RFC3: variants seen among roughly 807,000 people sequenced by gnomAD.
RFC3 encodes replication factor C subunit 3, also known as A1 38 kDa subunit.
RFC3 carries 41 observed loss-of-function variants against 45.1 expected under a neutral mutation model. The observed-to-expected ratio is 0.91, with a 90% CI of 0.71 to 1.18. RFC3 has a LOEUF of 1.18. Among genes scored for constraint, RFC3 ranks in the 50% most tolerant of loss-of-function variants. The probability of loss-of-function intolerance (pLI) is 0.00; values close to 1 mark genes in which losing one functional copy is unlikely to be tolerated. For missense variants in RFC3, 423 were observed against 428.1 expected, an observed-to-expected ratio of 0.99 and a Z score of 0.10; for synonymous variants, 149 against 144.0, an observed-to-expected ratio of 1.03 and a Z score of -0.25.
intron 8 of RFC3, among the ~76,000 whole-genome samples, chr13:33,860,915 A>T (rs551643787): frequency 0.015 from 2,214 of 150,418 alleles, 50 homozygotes; most frequent in African/African-American, 0.048. Flanking sequence ...ATATATATAT[A>T]TTTTTTTACC....
At chr13:33,895,776 G>A (rs1008904896) in intron 8 of RFC3, among the ~76,000 whole-genome samples, 2 of 152,118 alleles carry the variant, frequency 1.3e-5, no homozygotes, top group African/African-American at 4.8e-5. Context: ...CAACCAAAGA[G>A]TGGATAATGA....
chr13:33,829,165 T>C (rs118155523), intron 4 of RFC3, among the ~76,000 whole-genome samples: 54 of 152,340 alleles, frequency 3.5e-4, no homozygotes, highest in Non-Finnish European at 6.9e-4. Flanking sequence ...AAAAATACAA[T>C]ATTGGATTCA....
chr13:33,947,320 G>C (rs1450133058), intron 8 of RFC3, among the ~76,000 whole-genome samples: 2 of 152,122 alleles, frequency 1.3e-5, no homozygotes, highest in African/African-American at 4.8e-5. Flanking sequence ...TTATTCTCCT[G>C]CTGCCCTGTG....
chr13:33,934,746 T>A (rs1204212313), intron 8 of RFC3, among the ~76,000 whole-genome samples: 2 of 152,174 alleles, frequency 1.3e-5, no homozygotes, highest in African/African-American at 4.8e-5. Flanking sequence ...TGTTTTGTTT[T>A]CCTATGCCAA....
intron 8 of RFC3, among the ~76,000 whole-genome samples, chr13:33,930,921 A>G (rs755991584): frequency 2.0e-5 from 3 of 152,004 alleles, no homozygotes; most frequent in African/African-American, 4.8e-5. Flanking sequence ...GGTATAATCT[A>G]TCATTTCTTA....
intron 8 of RFC3, among the ~76,000 whole-genome samples, chr13:33,886,667 GTACATGTGCACAATGTGCAGGTTAGT>G (rs775948310): frequency 3.6e-4 from 53 of 148,850 alleles, no homozygotes; most frequent in Non-Finnish European, 6.4e-4. Flanking sequence ...AAGTTTTAGG[GTACATGTGCACAATGTGCAGGTTAGT>G]TACATATGTA....
chr13:33,873,479 A>G (rs985091192), intron 8 of RFC3, among the ~76,000 whole-genome samples: 2 of 152,166 alleles, frequency 1.3e-5, no homozygotes, highest in African/African-American at 2.4e-5. Context: ...CTGTTGGGCA[A>G]AGGGACAGAG....
intron 8 of RFC3, among the ~76,000 whole-genome samples, chr13:33,835,821 A>G (rs772416166): frequency 3.3e-5 from 5 of 152,128 alleles, no homozygotes; most frequent in Non-Finnish European, 5.9e-5. Context: ...TGTTATTATA[A>G]ATAGTGCTGC....
the RFC3 span, among the ~76,000 whole-genome samples, chr13:33,976,111 G>A: frequency 2.3e-4 from 35 of 152,252 alleles, no homozygotes; most frequent in Middle Eastern, 6.8e-3. Flanking sequence ...ACCAAAGAAC[G>A]TAGGAAGTAA....
At chr13:33,867,986 TAGAG>T (rs1353966335) in intron 8 of RFC3, among the ~76,000 whole-genome samples, 1 of 152,092 alleles carries the variant, frequency 6.6e-6, no homozygotes, top group East Asian at 1.9e-4. Flanking sequence ...CCAACAGAAA[TAGAG>T]AGGAAAATAA....
intron 8 of RFC3, among the ~76,000 whole-genome samples, chr13:33,882,865 C>A (rs1278503459): frequency 6.6e-6 from 1 of 152,180 alleles, no homozygotes; most frequent in African/African-American, 2.4e-5. Context: ...TGGGATCATA[C>A]AGGATATATT....
downstream of RFC3, among the ~76,000 whole-genome samples, chr13:33,842,211 C>G (rs2082204300): frequency 6.6e-6 from 1 of 151,680 alleles, no homozygotes; most frequent in Admixed American, 6.6e-5. Context: ...TTACTTGAAT[C>G]TAGGAAGTTG....
intron 8 of RFC3, among the ~76,000 whole-genome samples, chr13:33,861,812 TGCCATACCAAA>T (rs1477974738): frequency 6.6e-6 from 1 of 152,184 alleles, no homozygotes; most frequent in Non-Finnish European, 1.5e-5. Flanking sequence ...ACCGACACTG[TGCCATACCAAA>T]GTACTGCAAC....
chr13:33,892,634 C>G (rs2082570914), intron 8 of RFC3, among the ~76,000 whole-genome samples: 1 of 152,152 alleles, frequency 6.6e-6, no homozygotes, highest in Non-Finnish European at 1.5e-5. Flanking sequence ...CCATTACCAC[C>G]AATCACACTT....
intron 8 of RFC3, among the ~76,000 whole-genome samples, chr13:33,893,656 A>G (rs916219670): frequency 2.0e-5 from 3 of 152,132 alleles, no homozygotes; most frequent in Non-Finnish European, 2.9e-5. Context: ...GAAATTTATC[A>G]GACTAATTTT....
intron 8 of RFC3, among the ~76,000 whole-genome samples, chr13:33,890,511 A>G (rs897270363): frequency 6.6e-6 from 1 of 152,212 alleles, no homozygotes; most frequent in African/African-American, 2.4e-5. Flanking sequence ...GAAATGAGCA[A>G]TCGTATTGAC....
intron 8 of RFC3, chr13:33,848,356 A>G (rs1037883312): frequency 6.6e-6 from 1 of 151,896 alleles, no homozygotes; most frequent in African/African-American, 2.4e-5. Flanking sequence ...CCCCCTTTCT[A>G]CTTCTGTTCA....
At chr13:33,950,302 A>G (rs2082981567) in intron 8 of RFC3, among the ~76,000 whole-genome samples, 2 of 152,216 alleles carry the variant, frequency 1.3e-5, no homozygotes, top group South Asian at 4.1e-4. Flanking sequence ...AAAGAATAAA[A>G]TGACTGCTAG....
At chr13:33,831,442 A>G in intron 7 of RFC3, 88 bp downstream of exon 7, 1 of 699,216 alleles carries the variant, frequency 1.4e-6, no homozygotes, top group Non-Finnish European at 2.5e-6. Flanking sequence ...TGTCATTTTG[A>G]ATTATAATTA....
Sources: gnomAD v4.1 joint callset for allele counts (sites outside exome capture counted in the v4.1 genomes callset) on GRCh38, gnomAD v4.1.1 for gene constraint, MANE v1.5 for transcripts, NCBI Gene and HGNC (gene_info 2026-07-23, HGNC 2026-07-21) for gene names.